Variants in ITPR2 observed in about 807,000 individuals in gnomAD.
ITPR2 encodes inositol 1,4,5-trisphosphate receptor type 2.
Under a neutral mutation model 317.1 loss-of-function variants are expected in ITPR2, and 207 were observed. The ratio of observed to expected loss-of-function variants is 0.65; its 90% confidence interval spans 0.58 to 0.73. The LOEUF (loss-of-function observed/expected upper bound fraction) is 0.73. Among genes scored for constraint, ITPR2 ranks in the 30% least tolerant of loss-of-function variants. The probability of loss-of-function intolerance (pLI) is 0.00; values close to 1 mark genes in which losing one functional copy is unlikely to be tolerated. For synonymous variants in ITPR2, 1,156 were observed against 1,149.1 expected (o/e 1.01, Z -0.12); for missense variants, 2,613 against 3,284.0 (o/e 0.80, Z 4.99).
intron 32 of ITPR2, among the ~76,000 whole-genome samples, chr12:26,585,352 AATTT>A (rs1945497870): frequency 6.6e-6 from 1 of 152,214 alleles, no homozygotes. Context: ...GATATATAAT[AATTT>A]ATTTAACCGT....
At chr12:26,356,605 A>G (rs757455925) in intron 55 of ITPR2, among the ~76,000 whole-genome samples, 1 of 152,228 alleles carries the variant, frequency 6.6e-6, no homozygotes, top group Non-Finnish European at 1.5e-5. Flanking sequence ...ACAACTGTTG[A>G]TCATGCAGTA....
intron 51 of ITPR2, among the ~76,000 whole-genome samples, chr12:26,412,678 A>G (rs1187535001): frequency 6.6e-6 from 1 of 152,078 alleles, no homozygotes. Context: ...AGGAGGGGGA[A>G]AAAAACCCAG....
chr12:26,356,737 G>A (rs559410497), intron 55 of ITPR2, among the ~76,000 whole-genome samples: 2 of 152,220 alleles, frequency 1.3e-5, no homozygotes, highest in African/African-American at 4.8e-5. Context: ...TTGTAGGGTG[G>A]GGTCTTGCTA....
intron 51 of ITPR2, among the ~76,000 whole-genome samples, chr12:26,413,120 T>C (rs935117054): frequency 5.3e-5 from 8 of 152,176 alleles, no homozygotes; most frequent in African/African-American, 1.9e-4. Flanking sequence ...TCTCAACAGA[T>C]CCTTCTCTCT....
At chr12:26,781,280 C>A (rs1443289045) in intron 2 of ITPR2, among the ~76,000 whole-genome samples, 2 of 152,168 alleles carry the variant, frequency 1.3e-5, no homozygotes, top group Non-Finnish European at 2.9e-5. Flanking sequence ...CCAGCTATGA[C>A]CAGATGATCA....
chr12:26,711,686 G>C (rs1208754658), intron 8 of ITPR2, among the ~76,000 whole-genome samples: 5 of 152,196 alleles, frequency 3.3e-5, no homozygotes, highest in African/African-American at 4.8e-5. Flanking sequence ...GGAAAAGAGA[G>C]AGCCAGCGAA....
intron 2 of ITPR2, among the ~76,000 whole-genome samples, chr12:26,737,642 C>A (rs1404442498): frequency 6.6e-6 from 1 of 152,148 alleles, no homozygotes; most frequent in Non-Finnish European, 1.5e-5. Flanking sequence ...AAAGCTCAGA[C>A]ACCTCACCTG....
chr12:26,778,177 C>T (rs55853535), intron 2 of ITPR2, among the ~76,000 whole-genome samples: 2 of 152,284 alleles, frequency 1.3e-5, no homozygotes, highest in Non-Finnish European at 2.9e-5. Context: ...AGAGTGAGGA[C>T]TACTGTGGTG....
chr12:26,694,381 T>C (rs1948296702), intron 10 of ITPR2, among the ~76,000 whole-genome samples: 1 of 152,208 alleles, frequency 6.6e-6, no homozygotes, highest in African/African-American at 2.4e-5. Flanking sequence ...ATACCAATTA[T>C]AGAATTCCTC....
intron 37 of ITPR2, among the ~76,000 whole-genome samples, chr12:26,522,307 G>T (rs999602828): frequency 2.6e-5 from 4 of 152,154 alleles, no homozygotes; most frequent in African/African-American, 7.2e-5. Context: ...TATCTCTGTA[G>T]CTTAGACTAT....
intron 45 of ITPR2, among the ~76,000 whole-genome samples, chr12:26,450,233 T>G (rs1941705389): frequency 1.3e-5 from 2 of 152,178 alleles, no homozygotes; most frequent in Admixed American, 6.5e-5. Context: ...TGTCTGTCAT[T>G]GTGAACTTCC....
intron 13 of ITPR2, among the ~76,000 whole-genome samples, chr12:26,673,272 G>A (rs898664227): frequency 1.8e-4 from 27 of 152,098 alleles, no homozygotes; most frequent in Non-Finnish European, 4.0e-4. Context: ...TATCCTTGAT[G>A]AACATTGATG....
chr12:26,560,395 C>G (rs1272865205), intron 35 of ITPR2, among the ~76,000 whole-genome samples: 1 of 152,116 alleles, frequency 6.6e-6, no homozygotes, highest in African/African-American at 2.4e-5. Context: ...TTCCAATATA[C>G]TCAGTAGCCT....
At chr12:26,420,378 T>C (rs956712238) in intron 49 of ITPR2, among the ~76,000 whole-genome samples, 3 of 152,168 alleles carry the variant, frequency 2.0e-5, no homozygotes, top group African/African-American at 7.2e-5. Context: ...TCAATATATA[T>C]TAACAAATTA....
intron 2 of ITPR2, among the ~76,000 whole-genome samples, chr12:26,735,928 G>A (rs12582555): frequency 0.22 from 33,372 of 152,116 alleles, 3,834 homozygotes; most frequent in Non-Finnish European, 0.24. Context: ...TTAGCCCCAC[G>A]CTGGTTGGCC....
chr12:26,801,856 T>C (rs1020834922), intron 1 of ITPR2, among the ~76,000 whole-genome samples: 7 of 150,968 alleles, frequency 4.6e-5, no homozygotes, highest in African/African-American at 1.7e-4. Flanking sequence ...GAAACTGCTG[T>C]AAGGATTTAA....
At position 26,561,958 on chromosome 12, in the gene ITPR2, A is replaced by G. The variant is rs765424169; in HGVS notation, c.4631-6T>C. ...GGCAATTCCACGATTTTTTGCTGAAAAAGAAAGATTTAAAATATTTCCCTC... is the reference window on the plus strand; with the variant it reads ...GGCAATTCCACGATTTTTTGCTGAAGAAGAAAGATTTAAAATATTTCCCTC... On this transcript the variant is annotated splice_polypyrimidine_tract_variant and splice_region_variant and intron_variant, in intron 34 of 56. Transcript: ENST00000381340. The G allele has an allele frequency of 6.6e-7, 1 of 1,508,854 alleles. No individual in the cohort carries two copies. The highest frequency in any genetic ancestry group is 1.4e-5 in the South Asian group (1 of 73,462). 93.5% of individuals were successfully genotyped at this position (1,508,854 alleles called of 1,614,324 possible).
intron 54 of ITPR2, among the ~76,000 whole-genome samples, chr12:26,393,497 C>T (rs1490125582): frequency 6.6e-6 from 1 of 152,144 alleles, no homozygotes; most frequent in Non-Finnish European, 1.5e-5. Flanking sequence ...AAAATGTATA[C>T]CTTTCTGTTA....
At position 26,715,799 on chromosome 12, in the gene ITPR2, T is replaced by C. The variant is rs554544073; in HGVS notation, c.661A>G (p.Thr221Ala). ...TAGGAACTATATTTCATGAATAAAGTGATTTTCCAGCTGGTGTTGCAATTG... is the reference window on the plus strand; with the variant it reads ...TAGGAACTATATTTCATGAATAAAGCGATTTTCCAGCTGGTGTTGCAATTG... ...AVNCNTSWKI[T>A]LFMKYSSYRE... The change falls in exon 7 of 57, where the codon ACT becomes GCT. Residue 221 changes from threonine (T) to alanine (A), a missense_variant. Thr to Ala is a moderately conservative substitution (Grantham distance 58). Transcript: ENST00000381340. 2.5e-6 allele frequency: 4 copies of C among 1,611,044 alleles called. No individual in the cohort carries two copies. The highest frequency in any genetic ancestry group is 3.3e-4 in the Middle Eastern group (2 of 6,048).
Sources: allele counts gnomAD v4.1 joint callset (sites outside exome capture counted in the v4.1 genomes callset), GRCh38; gene constraint gnomAD v4.1.1; transcripts MANE v1.5; gene names NCBI Gene and HGNC (gene_info 2026-07-23, HGNC 2026-07-21).